WDFY3: variants seen among roughly 807,000 people sequenced by gnomAD.
The protein encoded by WDFY3 is WD repeat and FYVE domain-containing protein 3.
Under a neutral mutation model 409.6 loss-of-function variants are expected in WDFY3, and 66 were observed. That is an observed-to-expected ratio of 0.16 (90% CI 0.13 to 0.20). WDFY3 has a LOEUF of 0.20. Ranked by LOEUF, WDFY3 falls within the 10% of genes least tolerant of loss-of-function variation. WDFY3 has a pLI of 1.00. For synonymous variants in WDFY3, 1,521 were observed against 1,537.1 expected, an observed-to-expected ratio of 0.99 and a Z score of 0.25; for missense variants, 3,031 against 4,298.1, an observed-to-expected ratio of 0.71 and a Z score of 8.24.
At chr4:84,795,165 T>A (rs1037552078) in intron 19 of WDFY3, among the ~76,000 whole-genome samples, 186 bp from the exon 20 acceptor site, 1 of 152,048 alleles carries the variant, frequency 6.6e-6, no homozygotes, top group African/African-American at 2.4e-5. Flanking sequence ...AAAGACATAA[T>A]TTTAAAATCT....
At chr4:84,863,064 T>C (rs993314112) in intron 3 of WDFY3, among the ~76,000 whole-genome samples, 2 of 152,232 alleles carry the variant, frequency 1.3e-5, no homozygotes, top group African/African-American at 4.8e-5. Context: ...CGAATAATAT[T>C]CCACTCTGTG....
chr4:84,857,270 G>A (rs146654878), intron 4 of WDFY3, among the ~76,000 whole-genome samples: 211 of 152,170 alleles, frequency 1.4e-3, no homozygotes, highest in Middle Eastern at 6.8e-3. Context: ...TAAGTAGATA[G>A]AGAATAATTA....
At chr4:84,710,695 AT>A (rs1732736116) in intron 51 of WDFY3, among the ~76,000 whole-genome samples, 1 of 152,234 alleles carries the variant, frequency 6.6e-6, no homozygotes, top group Non-Finnish European at 1.5e-5. Flanking sequence ...TTGGAAATGA[AT>A]TTCTGTTTCT....
In WDFY3 at chr4:84,691,682, A is replaced by G. The variant is rs201331123; in HGVS notation, c.9153T>C (p.Ala3051=). ...LIPPTWNKTF[A]WGYADLSCRL... ...TGCAACTGAGGTCTGCATAGCCCCAAGCAAAAGTTTTATTCCAGGTTGGTG... is the reference window on the plus strand; with the variant it reads ...TGCAACTGAGGTCTGCATAGCCCCAGGCAAAAGTTTTATTCCAGGTTGGTG... The change falls in exon 60 of 68, where the codon GCT becomes GCC. Residue 3051 remains alanine, a synonymous_variant. Transcript: ENST00000295888. 6 of 1,614,146 alleles carry G rather than the reference A, an allele frequency of 3.7e-6. No individual in the cohort carries two copies. Among genetic ancestry groups the G allele is most frequent in the South Asian group, 3.3e-5 (3 of 91,084 alleles).
At chr4:84,873,947 A>G (rs1578921448) in intron 3 of WDFY3, among the ~76,000 whole-genome samples, 2 of 151,800 alleles carry the variant, frequency 1.3e-5, no homozygotes, top group East Asian at 4.0e-4. Flanking sequence ...CGCCTGGGTA[A>G]TTTTTGTATT....
At chr4:84,715,655 G>A (rs1043899085) in intron 49 of WDFY3, among the ~76,000 whole-genome samples, 13 of 151,240 alleles carry the variant, frequency 8.6e-5, no homozygotes, top group Admixed American at 5.9e-4. Flanking sequence ...GGTACCTGTA[G>A]TCCCAGCTAC....
intron 51 of WDFY3, among the ~76,000 whole-genome samples, chr4:84,711,743 C>T (rs557763853): frequency 5.3e-5 from 8 of 151,326 alleles, no homozygotes; most frequent in South Asian, 2.1e-4. Context: ...CCCAGCTACT[C>T]GGGAGGCTGA....
chr4:84,956,992 A>C (rs1259458412), intron 1 of WDFY3, among the ~76,000 whole-genome samples: 1 of 151,958 alleles, frequency 6.6e-6, no homozygotes, highest in Non-Finnish European at 1.5e-5. Context: ...AAAAAAAAAA[A>C]AAACCTTTAT....
chr4:84,841,326 T>C, intron 5 of WDFY3, 63 bp from the exon 6 acceptor site: 1 of 1,386,482 alleles, frequency 7.2e-7, no homozygotes, highest in Middle Eastern at 1.8e-4. Flanking sequence ...GGTTCTTCTT[T>C]AAAACCTACC....
Position 84,966,347 on chromosome 4 carries a change from C to A in WDFY3, c.-364G>T, listed in dbSNP as rs1368324765. ...TCCGCGGCGGGGCCCGGGAGCCCCG[C>A]GCCGCGGGCCGGGGGCCGGGGCCCG... On this transcript the variant is annotated 5_prime_UTR_variant, in exon 1 of 68. Transcript: ENST00000295888. 1 of 149,444 alleles carries A rather than the reference C, an allele frequency of 6.7e-6. No individual in the cohort carries two copies. Among genetic ancestry groups the A allele is most frequent in the African/African-American group, 2.4e-5 (1 of 41,018 alleles). The allele number at this position is 149,444 out of a possible 1,614,324, so 9.3% of individuals were successfully genotyped here.
intron 7 of WDFY3, among the ~76,000 whole-genome samples, chr4:84,832,015 G>A (rs1026304968): frequency 6.6e-6 from 1 of 152,060 alleles, no homozygotes; most frequent in Non-Finnish European, 1.5e-5. Flanking sequence ...AATGAAATTC[G>A]TATGTCAAAG....
intron 3 of WDFY3, among the ~76,000 whole-genome samples, chr4:84,863,251 G>T (rs1293493281): frequency 6.6e-6 from 1 of 152,162 alleles, no homozygotes; most frequent in Non-Finnish European, 1.5e-5. Flanking sequence ...AAATGAGACT[G>T]CTGTATCATA....
intron 64 of WDFY3, among the ~76,000 whole-genome samples, chr4:84,680,177 C>T (rs933934029): frequency 1.3e-5 from 2 of 152,198 alleles, no homozygotes; most frequent in African/African-American, 4.8e-5. Context: ...GCGTGGGCCA[C>T]CACACCCAGC....
intron 30 of WDFY3, among the ~76,000 whole-genome samples, chr4:84,768,125 C>G (rs373925747): frequency 6.6e-6 from 1 of 152,014 alleles, no homozygotes; most frequent in South Asian, 2.1e-4. Flanking sequence ...AAAGCTGGAA[C>G]CAGAAGAGGT....
At chr4:84,773,772 G>A (rs963172014) in intron 29 of WDFY3, among the ~76,000 whole-genome samples, 1 of 152,204 alleles carries the variant, frequency 6.6e-6, no homozygotes, top group African/African-American at 2.4e-5. Context: ...CCAGGCTGGA[G>A]TGCAGTGGTG....
At chr4:84,862,622 A>AG (rs937342730) in intron 3 of WDFY3, among the ~76,000 whole-genome samples, 1 of 152,178 alleles carries the variant, frequency 6.6e-6, no homozygotes, top group African/African-American at 2.4e-5. Flanking sequence ...CTTACCCTGT[A>AG]GCTAGAGTTG....
intron 3 of WDFY3, among the ~76,000 whole-genome samples, chr4:84,892,602 A>T (rs1381011854): frequency 1.3e-5 from 2 of 152,142 alleles, no homozygotes; most frequent in Admixed American, 1.3e-4. Context: ...TAGATCTCCC[A>T]GTTTATACTG....
At chr4:84,706,933 TA>T (rs1190158203) in intron 53 of WDFY3, among the ~76,000 whole-genome samples, 2 of 151,296 alleles carry the variant, frequency 1.3e-5, no homozygotes, top group Non-Finnish European at 2.9e-5. Context: ...TATTTATTTT[TA>T]CTTCTTTTTT....
chr4:84,864,975 G>A (rs1461162715), intron 3 of WDFY3, among the ~76,000 whole-genome samples: 3 of 151,504 alleles, frequency 2.0e-5, no homozygotes, highest in Non-Finnish European at 4.4e-5. Context: ...CTGCATCCTC[G>A]AACTCCTGGG....
Sources: gnomAD v4.1 joint callset for allele counts (sites outside exome capture counted in the v4.1 genomes callset) on GRCh38, gnomAD v4.1.1 for gene constraint, MANE v1.5 for transcripts, NCBI Gene and HGNC (gene_info 2026-07-23, HGNC 2026-07-21) for gene names.